CD9: variants seen among roughly 807,000 people sequenced by gnomAD.
CD9 encodes the protein CD9 molecule.
Under a neutral mutation model 31.4 loss-of-function variants are expected in CD9, and 10 were observed. The observed-to-expected ratio is 0.32, with a 90% CI of 0.20 to 0.54. The LOEUF (loss-of-function observed/expected upper bound fraction) is 0.54. CD9 is among the 20% of genes least tolerant of loss of function. The pLI is 0.94. For missense variants in CD9, 259 were observed against 300.1 expected, an observed-to-expected ratio of 0.86 and a Z score of 1.01; for synonymous variants, 113 against 114.1, an observed-to-expected ratio of 0.99 and a Z score of 0.06.
chr12:6,212,455 GAGGCCAGGCTCGAACATTT>G (rs1276511376), intron 1 of CD9, among the ~76,000 whole-genome samples: 4 of 152,206 alleles, frequency 2.6e-5, no homozygotes, highest in African/African-American at 9.6e-5. Flanking sequence ...GCACCAGCCT[GAGGCCAGGCTCGAACATTT>G]ACACACAACG....
intron 1 of CD9, among the ~76,000 whole-genome samples, chr12:6,218,395 A>G (rs1304977065): frequency 2.0e-5 from 3 of 152,168 alleles, no homozygotes; most frequent in Non-Finnish European, 4.4e-5. Context: ...GGGGAGTGGC[A>G]TGCAGTATGC....
intron 2 of CD9, among the ~76,000 whole-genome samples, chr12:6,229,756 A>G (rs952491669): frequency 1.8e-4 from 28 of 151,402 alleles, no homozygotes; most frequent in Non-Finnish European, 3.7e-4. Flanking sequence ...ACAGTGAAAA[A>G]CACTGTTCCA....
Position 6,232,674 on chromosome 12 carries a change from TG to T in CD9, c.221del (p.Gly74AlafsTer25). ...LIGAGALMML[V>X]GFLGCCGAVQ... is the part of the protein sequence containing the mutation. Reference sequence around the variant, plus strand: ...GGAGCCGGCGCCCTCATGATGCTGGTGGGCTTCCTGGGCTGCTGCGGGGCTG... The same window carrying T: ...GGAGCCGGCGCCCTCATGATGCTGGTGGCTTCCTGGGCTGCTGCGGGGCTG... On this transcript the variant is annotated frameshift_variant, in exon 3 of 8. Coordinates refer to ENST00000009180, the MANE Select transcript of CD9 (RefSeq NM_001769.4). LOFTEE classifies it high-confidence loss of function. This position sits in a 1 kb window ranked among gnomAD's most constrained non-coding sequence, Gnocchi z 4.8. The T allele has an allele frequency of 6.3e-7, 1 of 1,581,360 alleles. No individual in the cohort carries two copies. The highest frequency in any genetic ancestry group is 8.6e-7 in the Non-Finnish European group (1 of 1,166,884).
intron 1 of CD9, among the ~76,000 whole-genome samples, chr12:6,214,720 A>C (rs1284859515): frequency 6.6e-6 from 1 of 152,122 alleles, no homozygotes; most frequent in African/African-American, 2.4e-5. Context: ...AGTCTCATGC[A>C]TAACAGCGAG....
intron 2 of CD9, among the ~76,000 whole-genome samples, chr12:6,227,785 G>A (rs1203264026): frequency 6.6e-6 from 1 of 152,208 alleles, no homozygotes; most frequent in East Asian, 1.9e-4. Context: ...CTGGCTGAAT[G>A]TGCCCCATTG....
At chr12:6,212,722 T>C (rs970994561) in intron 1 of CD9, among the ~76,000 whole-genome samples, 1 of 152,184 alleles carries the variant, frequency 6.6e-6, no homozygotes, top group Non-Finnish European at 1.5e-5. Context: ...TATGTTGAAT[T>C]GTATGGGTTG....
intron 3 of CD9, chr12:6,233,063 C>T (rs541050297): frequency 2.4e-5 from 17 of 702,350 alleles, no homozygotes; most frequent in South Asian, 7.4e-5. Flanking sequence ...CCGAACTCCA[C>T]GGAGTGGATT....
intron 1 of CD9, among the ~76,000 whole-genome samples, chr12:6,205,190 G>A (rs1250935918): frequency 6.6e-6 from 1 of 152,234 alleles, no homozygotes; most frequent in African/African-American, 2.4e-5. Flanking sequence ...GTGCACTGAA[G>A]CTGGCAGGCT....
chr12:6,208,451 GAGA>G (rs767098784), intron 1 of CD9, among the ~76,000 whole-genome samples: 1 of 152,170 alleles, frequency 6.6e-6, no homozygotes, highest in Non-Finnish European at 1.5e-5. Context: ...TGGGTCATAG[GAGA>G]AGAACCTCGA....
intron 2 of CD9, among the ~76,000 whole-genome samples, chr12:6,230,207 C>T (rs910665266): frequency 9.9e-5 from 15 of 152,160 alleles, no homozygotes; most frequent in Admixed American, 8.5e-4. Flanking sequence ...TCCCTTTTCC[C>T]GTGACTAGAG....
intron 1 of CD9, among the ~76,000 whole-genome samples, chr12:6,204,410 C>G (rs895029241): frequency 5.9e-5 from 9 of 152,060 alleles, no homozygotes; most frequent in African/African-American, 2.2e-4. Context: ...AAATACAAGC[C>G]CTGAATTGGA....
chr12:6,232,525 G>C lies in CD9; in HGVS notation c.176-107G>C, dbSNP rs1032437213. The stretch of plus-strand genomic sequence containing the variant: ...TCTTCCCTGAGATGAGGGGAATAAG[G>C]AGGTGGGGAGGCAGGAGTTAGGCAG... On this transcript the variant is annotated intron_variant, in intron 2 of 7. Transcript: ENST00000009180. This position sits in a 1 kb window ranked among gnomAD's most constrained non-coding sequence, Gnocchi z 4.8. 1.1e-5 allele frequency: 8 copies of C among 726,430 alleles called. No homozygotes were observed. Among genetic ancestry groups the C allele is most frequent in the African/African-American group, 5.2e-5 (3 of 57,562 alleles). The allele number at this position is 726,430 out of a possible 1,614,324, so 45.0% of individuals were successfully genotyped here. A position where few individuals can be genotyped will look rare whatever the true frequency, so the allele number is the denominator to read the frequency against.
chr12:6,200,311 G>A (rs1946060010), upstream of CD9: 1 of 358,730 alleles, frequency 2.8e-6, no homozygotes. Context: ...GGGGAGTGGG[G>A]GCGGCTTTTC....
intron 1 of CD9, among the ~76,000 whole-genome samples, chr12:6,213,955 A>T (rs755888796): frequency 7.9e-5 from 12 of 152,232 alleles, no homozygotes; most frequent in African/African-American, 2.4e-5. Context: ...AAGTCAGAGC[A>T]TTTTGCCAAA....
At chr12:6,221,288 A>C (rs1185521466) in intron 1 of CD9, among the ~76,000 whole-genome samples, 1 of 152,196 alleles carries the variant, frequency 6.6e-6, no homozygotes, top group Non-Finnish European at 1.5e-5. Flanking sequence ...CAAAAGAGGA[A>C]ACCATGGGCA....
chr12:6,213,579 A>G (rs1162743975), intron 1 of CD9, among the ~76,000 whole-genome samples: 1 of 152,242 alleles, frequency 6.6e-6, no homozygotes, highest in African/African-American at 2.4e-5. Context: ...CCTCTCCTTC[A>G]GTTCACTCCT....
intron 1 of CD9, among the ~76,000 whole-genome samples, chr12:6,201,765 A>G (rs1946080681): frequency 1.3e-5 from 2 of 152,228 alleles, no homozygotes; most frequent in South Asian, 2.1e-4. Context: ...TTGGCCAGGC[A>G]CAGTGGCTCA....
chr12:6,210,687 A>G (rs1946185100), intron 1 of CD9, among the ~76,000 whole-genome samples: 1 of 152,210 alleles, frequency 6.6e-6, no homozygotes, highest in African/African-American at 2.4e-5. Context: ...GGCAAAAGGG[A>G]AAAAATTCTG....
intron 2 of CD9, among the ~76,000 whole-genome samples, chr12:6,229,628 C>T (rs752979530): frequency 2.0e-5 from 3 of 152,148 alleles, no homozygotes; most frequent in South Asian, 2.1e-4. Flanking sequence ...GAGGCCCTAC[C>T]GGATTTTGTT....
Sources: gnomAD v4.1 joint callset for allele counts (sites outside exome capture counted in the v4.1 genomes callset) on GRCh38, gnomAD v4.1.1 for gene constraint, Gnocchi (gnomAD v3.1) non-coding constraint, MANE v1.5 for transcripts, NCBI Gene and HGNC (gene_info 2026-07-23, HGNC 2026-07-21) for gene names.